PRSS16: variants seen among roughly 807,000 people sequenced by gnomAD.
The protein encoded by PRSS16 is serine protease 16.
A neutral mutation model predicts 61.7 loss-of-function variants in PRSS16; 43 were observed. The observed-to-expected ratio is 0.70, with a 90% CI of 0.55 to 0.90. The LOEUF (loss-of-function observed/expected upper bound fraction) is 0.90, where lower values mean the gene tolerates loss of function less well. Ranked by LOEUF, PRSS16 falls within the 40% of genes least tolerant of loss-of-function variation. PRSS16 has a pLI of 0.00. For missense variants in PRSS16, 591 were observed against 659.1 expected (o/e 0.90, Z 1.13); for synonymous variants, 273 against 285.2 (o/e 0.96, Z 0.43).
intron 9 of PRSS16, chr6:27,253,776 A>C (rs2113736469): frequency 5.0e-6 from 1 of 199,914 alleles, no homozygotes; most frequent in Non-Finnish European, 1.0e-5. Flanking sequence ...TATTTCTCTC[A>C]TAGGGTTGTT....
At chr6:27,250,287 G>A (rs1164873946) in intron 4 of PRSS16, among the ~76,000 whole-genome samples, 1 of 152,274 alleles carries the variant, frequency 6.6e-6, no homozygotes, top group South Asian at 2.1e-4. Flanking sequence ...CTTTGTGTCT[G>A]TTCTCTCTCC....
At position 27,251,392 on chromosome 6, in the gene PRSS16, G is replaced by C. The variant is rs79927166; in HGVS notation, c.717+128G>C. ...GTCTAAGGAAGGTCGGAGCTCGGGG[G>C]AATACGCAGGTTTTGGAAGAAGGCG... On this transcript the variant is annotated intron_variant, in intron 7 of 11. Coordinates refer to ENST00000230582, the MANE Select transcript of PRSS16 (RefSeq NM_005865.4). The surrounding 1 kb of genome is among the most constrained non-coding windows in gnomAD (Gnocchi z 5.6). The C allele has an allele frequency of 0.028, 34,178 of 1,208,136 alleles. 573 individuals are homozygous for C. The highest frequency in any genetic ancestry group is 0.034 in the Non-Finnish European group (30,211 of 887,456). 74.8% of individuals were successfully genotyped at this position (1,208,136 alleles called of 1,614,324 possible).
rs1367667035 is a variant in PRSS16, at chr6:27,250,775, C to T, written c.560C>T (p.Ala187Val). ...TGGATCTGCTTCGGAGGCTCCTATGCCGGCTCCTTGGCCGCCTGGGCCCGG... is the reference window on the plus strand; with the variant it reads ...TGGATCTGCTTCGGAGGCTCCTATGTCGGCTCCTTGGCCGCCTGGGCCCGG... ...SPWICFGGSY[A>V]GSLAAWARLK... The change falls in exon 5 of 12, where the codon GCC (alanine) becomes GTC (valine). Residue 187 changes from alanine (A) to valine (V), a missense_variant. Ala to Val is a moderately conservative substitution (Grantham distance 64). Transcript: ENST00000230582. 6.2e-7 allele frequency: 1 copy of T among 1,612,984 alleles called. No individual in the cohort carries two copies. The highest frequency in any genetic ancestry group is 8.5e-7 in the Non-Finnish European group (1 of 1,179,608).
chr6:27,251,512 A>C lies in PRSS16; in HGVS notation c.718-238A>C, dbSNP rs1759897066. 1.6e-6 allele frequency: 1 copy of C among 639,606 alleles called. No individual in the cohort carries two copies. The highest frequency in any genetic ancestry group is 4.1e-5 in the Admixed American group (1 of 24,494). 39.6% of individuals were successfully genotyped at this position (639,606 alleles called of 1,614,324 possible). A position where few individuals can be genotyped will look rare whatever the true frequency, so the allele number is the denominator to read the frequency against. ...CAATCCTATCCGGAGGTGAGGCTCA[A>C]GGTGGGGCGGGGCCACAATGGAGGA... On this transcript the variant is annotated intron_variant, in intron 7 of 11. Transcript: ENST00000230582. The surrounding 1 kb of genome is among the most constrained non-coding windows in gnomAD (Gnocchi z 5.6).
chr6:27,251,687 C>T lies in PRSS16; in HGVS notation c.718-63C>T. ...GGGGAACCCAAGGAGGACGCAGGTC[C>T]TGGGTAGGGAAAGCCGAGGCCCAGC... On this transcript the variant is annotated intron_variant, in intron 7 of 11. Coordinates refer to ENST00000230582, the MANE Select transcript of PRSS16 (RefSeq NM_005865.4). This position sits in a 1 kb window ranked among gnomAD's most constrained non-coding sequence, Gnocchi z 5.6. The T allele has an allele frequency of 1.3e-6, 2 of 1,535,382 alleles. No homozygotes were observed. Among genetic ancestry groups the T allele is most frequent in the South Asian group, 1.2e-5 (1 of 80,850 alleles).
At chr6:27,249,040 A>G in intron 3 of PRSS16, 60 bp from the exon 4 acceptor site, 1 of 1,481,714 alleles carries the variant, frequency 6.7e-7, no homozygotes, top group Non-Finnish European at 9.3e-7. Context: ...TGAGGAGTGA[A>G]AGGGCTTAAA....
chr6:27,251,097 T>A lies in PRSS16; in HGVS notation c.647T>A (p.Leu216Gln), dbSNP rs1258630462. 1.9e-6 allele frequency: 3 copies of A among 1,614,038 alleles called. No homozygotes were observed. Among genetic ancestry groups the A allele is most frequent in the Admixed American group, 3.3e-5 (2 of 60,014 alleles). The change falls in exon 6 of 12, where the codon CTG becomes CAG. Residue 216 changes from leucine to glutamine, a missense_variant. Transcript: ENST00000230582. The surrounding 1 kb of genome is among the most constrained non-coding windows in gnomAD (Gnocchi z 5.6). ...VASSAPVRAV[L>Q]DFSEYNDVVS... ...TCCTCCGCCCCGGTGCGGGCCGTGC[T>A]GGATTTCTCCGAGTATAATGACGTA...
chr6:27,251,765 T>A lies in PRSS16; in HGVS notation c.733T>A (p.Ser245Thr). 6.2e-7 allele frequency: 1 copy of A among 1,605,096 alleles called. No individual in the cohort carries two copies. The highest frequency in any genetic ancestry group is 8.5e-7 in the Non-Finnish European group (1 of 1,178,324). ...CTTCCCACAGTGCCGGGCGGCGGTG[T>A]CCGTCGCCTTCGCTGAAGTGGAGCG... ...GGSLECRAAVSVAFAEVERRL... is the reference protein window; with the variant it reads ...GGSLECRAAVTVAFAEVERRL... The change falls in exon 8 of 12, where the codon TCC (serine) becomes ACC (threonine). Residue 245 changes from serine to threonine, a missense_variant. By Grantham distance (58) the Ser-to-Thr change is moderately conservative. Coordinates refer to ENST00000230582, the MANE Select transcript of PRSS16 (RefSeq NM_005865.4). This position sits in a 1 kb window ranked among gnomAD's most constrained non-coding sequence, Gnocchi z 5.6.
chr6:27,252,205 G>A lies in PRSS16; in HGVS notation c.1008+165G>A. The A allele has an allele frequency of 2.4e-6, 2 of 850,246 alleles. No individual in the cohort carries two copies. Among genetic ancestry groups the A allele is most frequent in the African/African-American group, 1.7e-5 (1 of 57,496 alleles). The allele number at this position is 850,246 out of a possible 1,614,324, so 52.7% of individuals were successfully genotyped here. On this transcript the variant is annotated intron_variant, in intron 8 of 11. Coordinates refer to ENST00000230582, the MANE Select transcript of PRSS16 (RefSeq NM_005865.4). This position sits in a 1 kb window ranked among gnomAD's most constrained non-coding sequence, Gnocchi z 4.2. ...GGCCGATGGGAAGATGAAATGAGGC[G>A]GGTCATGTAGAGCAATCAGCTGGGA... is the stretch of plus-strand genomic sequence containing the variant.
chr6:27,254,588 A>G (rs966650004), intron 9 of PRSS16, 105 bp from the exon 10 acceptor site: 14 of 1,098,572 alleles, frequency 1.3e-5, no homozygotes, highest in Middle Eastern at 2.3e-4. Context: ...CGAAGGGAGT[A>G]TTAGAAATGT....
chr6:27,249,823 G>A (rs373152425), intron 4 of PRSS16, among the ~76,000 whole-genome samples: 1 of 151,992 alleles, frequency 6.6e-6, no homozygotes, highest in African/African-American at 2.4e-5. Flanking sequence ...AGACTTACAC[G>A]CACATTCCTG....
Position 27,252,243 on chromosome 6 carries a change from G to C in PRSS16, c.1008+203G>C. On this transcript the variant is annotated intron_variant, in intron 8 of 11. Coordinates refer to ENST00000230582, the MANE Select transcript of PRSS16 (RefSeq NM_005865.4). This position sits in a 1 kb window ranked among gnomAD's most constrained non-coding sequence, Gnocchi z 4.2. ...CAATCAGCTGGGAGCCTGGCACACA[G>C]TGTGCGAATGTTAGAGACTGCGATT... is the stretch of plus-strand genomic sequence containing the variant. The C allele has an allele frequency of 3.2e-6, 2 of 633,988 alleles. No homozygotes were observed. Among genetic ancestry groups the C allele is most frequent in the Non-Finnish European group, 5.1e-6 (2 of 392,746 alleles). 39.3% of individuals were successfully genotyped at this position (633,988 alleles called of 1,614,324 possible). A position where few individuals can be genotyped will look rare whatever the true frequency, so the allele number is the denominator to read the frequency against.
Position 27,249,311 on chromosome 6 carries a change from C to G in PRSS16, c.467+82C>G, listed in dbSNP as rs1581473576. 62 of 1,496,772 alleles carry G rather than the reference C, an allele frequency of 4.1e-5. No homozygotes were observed. In the East Asian group the frequency reaches 1.4e-3, roughly 33 times the overall value. The allele number at this position is 1,496,772 out of a possible 1,614,324, so 92.7% of individuals were successfully genotyped here. ...GCATCTCTGCATCTGTGTCTCTCTC[C>G]TCCACTGTCTGAAGTCAACCTCTGA... On this transcript the variant is annotated intron_variant, in intron 4 of 11. Coordinates refer to ENST00000230582, the MANE Select transcript of PRSS16 (RefSeq NM_005865.4).
chr6:27,251,251 G>A lies in PRSS16; in HGVS notation c.704G>A (p.Gly235Asp). 1.9e-6 allele frequency: 3 copies of A among 1,607,972 alleles called. No individual in the cohort carries two copies. Among genetic ancestry groups the A allele is most frequent in the Non-Finnish European group, 1.7e-6 (2 of 1,176,724 alleles). Residue 235 changes from glycine to aspartate, a missense_variant, in exon 7 of 12, where the codon GGC (glycine) becomes GAC (aspartate). Transcript: ENST00000230582. The surrounding 1 kb of genome is among the most constrained non-coding windows in gnomAD (Gnocchi z 5.6). ...VSRSLMSTAI[G>D]GSLECRAAVS... Reference sequence around the variant, plus strand: ...CGAAGCCTAATGAGCACCGCGATCGGCGGGTCCCTGGAGGTAGGAGGTGGG... The same window carrying A: ...CGAAGCCTAATGAGCACCGCGATCGACGGGTCCCTGGAGGTAGGAGGTGGG...
At chr6:27,250,838 A>T (rs1213288736) in intron 5 of PRSS16, 32 bp downstream of exon 5, 1 of 1,583,548 alleles carries the variant, frequency 6.3e-7, no homozygotes, top group Non-Finnish European at 8.6e-7. Flanking sequence ...GGCTGGGGGG[A>T]GGGAACTCGG....
At chr6:27,253,098 G>T in intron 9 of PRSS16, 149 bp downstream of exon 9, 2 of 1,044,710 alleles carry the variant, frequency 1.9e-6, no homozygotes, top group Non-Finnish European at 2.9e-6. Context: ...GAAGGTGGAA[G>T]CCATACTAGT....
In PRSS16 at chr6:27,252,064, G is replaced by T; in HGVS notation, c.1008+24G>T. The T allele has an allele frequency of 6.8e-7, 1 of 1,466,878 alleles. No individual in the cohort carries two copies. Among genetic ancestry groups the T allele is most frequent in the South Asian group, 1.3e-5 (1 of 74,660 alleles). The allele number at this position is 1,466,878 out of a possible 1,614,324, so 90.9% of individuals were successfully genotyped here. A position where few individuals can be genotyped will look rare whatever the true frequency, so the allele number is the denominator to read the frequency against. On this transcript the variant is annotated intron_variant, in intron 8 of 11. Coordinates refer to ENST00000230582, the MANE Select transcript of PRSS16 (RefSeq NM_005865.4). The surrounding 1 kb of genome is among the most constrained non-coding windows in gnomAD (Gnocchi z 4.2). ...AGGTGAGCACTCCCTGGCACAGCTG[G>T]GAGGAGTTAGCGGACAAAGATTCCT...
rs1233346469 is a variant in PRSS16, at chr6:27,247,735, ACCATGGCCGTCTGGCTT to A, written c.-2_15del. The A allele has an allele frequency of 6.4e-7, 1 of 1,567,542 alleles. No homozygotes were observed. Among genetic ancestry groups the A allele is most frequent in the African/African-American group, 1.4e-5 (1 of 73,654 alleles). ...CCTGGGGGAGAACAGAGTCCCGAAC[ACCATGGCCGTCTGGCTT>A]GCCCAGTGGCTGGGCCCTCTGCTCT... On this transcript the variant is annotated start_lost and 5_prime_UTR_variant, in exon 1 of 12. Transcript: ENST00000230582.
In PRSS16 at chr6:27,250,695, G is replaced by C. The variant is rs1384239328; in HGVS notation, c.480G>C (p.Val160=). Reference sequence around the variant, plus strand: ...CCTTTGACCCTAGGCTGGCTGATGTGGTCTCTGCCCGCCTGGCACTTTCCC... The same window carrying C: ...CCTTTGACCCTAGGCTGGCTGATGTCGTCTCTGCCCGCCTGGCACTTTCCC... ...FLSSRLALAD[V]VSARLALSRL... Residue 160 remains valine, a synonymous_variant, in exon 5 of 12, where the codon GTG becomes GTC. Coordinates refer to ENST00000230582, the MANE Select transcript of PRSS16 (RefSeq NM_005865.4). The C allele has an allele frequency of 6.2e-7, 1 of 1,611,762 alleles. No individual in the cohort carries two copies. The highest frequency in any genetic ancestry group is 8.5e-7 in the Non-Finnish European group (1 of 1,178,852).
Sources: allele counts gnomAD v4.1 joint callset (sites outside exome capture counted in the v4.1 genomes callset), GRCh38; gene constraint gnomAD v4.1.1; non-coding constraint Gnocchi (gnomAD v3.1); transcripts MANE v1.5; gene names NCBI Gene and HGNC (gene_info 2026-07-23, HGNC 2026-07-21).